Variants in MUTYH observed in about 807,000 individuals in gnomAD.
MUTYH encodes adenine DNA glycosylase.
Under a neutral mutation model 72.9 loss-of-function variants are expected in MUTYH, and 64 were observed. That is an observed-to-expected ratio of 0.88 (90% CI 0.72 to 1.08). The LOEUF is 1.08. Ranked by LOEUF, MUTYH falls within the 50% of genes least tolerant of loss-of-function variation. MUTYH has a pLI of 0.00. For synonymous variants in MUTYH, 234 were observed against 263.1 expected, an observed-to-expected ratio of 0.89 and a Z score of 1.07; for missense variants, 633 against 671.0, an observed-to-expected ratio of 0.94 and a Z score of 0.63.
rs876659420 is a variant in MUTYH, at chr1:45,330,515, C to G, written c.1434+1G>C. The G allele has an allele frequency of 1.2e-6, 2 of 1,608,992 alleles. No individual in the cohort carries two copies. Among genetic ancestry groups the G allele is most frequent in the African/African-American group, 2.7e-5 (2 of 74,814 alleles). On this transcript the variant is annotated splice_donor_variant, in intron 15 of 15. Coordinates refer to ENST00000456914, the MANE Select transcript of MUTYH (RefSeq NM_001048174.2). LOFTEE classifies it high-confidence loss of function. The stretch of plus-strand genomic sequence containing the variant: ...GGTTGGGAGAGGCCTAGGAGACTTA[C>G]CATACAGGTCCCTGGCTGTTGGCCC...
intron 1 of MUTYH, chr1:45,338,579 T>C (rs1646321441): frequency 3.4e-6 from 1 of 291,228 alleles, no homozygotes; most frequent in South Asian, 4.8e-5. Flanking sequence ...AAAAAACGAC[T>C]TGAGTGCAAG....
chr1:45,333,695 G>C (rs1645416090), intron 2 of MUTYH, 134 bp from the exon 3 acceptor site: 1 of 1,321,020 alleles, frequency 7.6e-7, no homozygotes, highest in Admixed American at 2.5e-5. Context: ...TTTGGAGCTG[G>C]AGTCAGACCA....
upstream of MUTYH, chr1:45,340,321 A>C: frequency 6.2e-7 from 1 of 1,609,712 alleles, no homozygotes. Context: ...GGCTTCCCAG[A>C]GGTAGCCTTC....
intron 1 of MUTYH, among the ~76,000 whole-genome samples, chr1:45,336,235 G>C (rs947523210): frequency 6.6e-6 from 1 of 152,146 alleles, no homozygotes; most frequent in Non-Finnish European, 1.5e-5. Flanking sequence ...TGTAATCCCA[G>C]CACTTTGGGA....
At position 45,332,803 on chromosome 1, in the gene MUTYH, T is replaced by C. The variant is rs34612342; in HGVS notation, c.452A>G (p.Tyr151Cys). Residue 151 changes from tyrosine (Y) to cysteine (C), a missense_variant, in exon 7 of 16, where the codon TAC (tyrosine) becomes TGC (cysteine). By Grantham distance (194) the Tyr-to-Cys change is radical (BLOSUM62 -2). Transcript: ENST00000456914. ...EVNQLWAGLGYYSRGRRLQEG... is the reference protein window; with the variant it reads ...EVNQLWAGLGCYSRGRRLQEG... ...CTGCAGCCGCCGGCCACGAGAATAG[T>C]AGCCCAGGCCAGCCCAGAGTTGATT... 3,102 of 1,614,184 alleles carry C rather than the reference T, an allele frequency of 1.9e-3. 5 individuals are homozygous for C. The highest frequency in any genetic ancestry group is 2.3e-3 in the Non-Finnish European group (2,752 of 1,180,030).
rs587782351 is a variant in MUTYH, at chr1:45,332,485, T to A, written c.610A>T (p.Thr204Ser). ...GCTACGTTGCCATCCACCACACCGG[T>A]TGCCTGGCACAGAGGGGCCAAAGAG... is the stretch of plus-strand genomic sequence containing the variant. Reference protein sequence around the residue: ...AIASIAFGQATGVVDGNVARV... With the variant: ...AIASIAFGQASGVVDGNVARV... Residue 204 changes from threonine to serine, a missense_variant, in exon 9 of 16, where the codon ACC becomes TCC. Physicochemically the swap from Thr to Ser is moderately conservative, Grantham distance 58. Coordinates refer to ENST00000456914, the MANE Select transcript of MUTYH (RefSeq NM_001048174.2). 3 of 1,613,888 alleles carry A rather than the reference T, an allele frequency of 1.9e-6. No homozygotes were observed. Among genetic ancestry groups the A allele is most frequent in the South Asian group, 1.1e-5 (1 of 91,084 alleles).
upstream of MUTYH, chr1:45,340,198 C>T (rs1314461676): frequency 6.2e-7 from 1 of 1,613,362 alleles, no homozygotes; most frequent in South Asian, 1.1e-5. Context: ...CGCCAGGAGA[C>T]GGACCGCAAG....
At chr1:45,338,744 G>GTTTTTTTTTT (rs11403361) in intron 1 of MUTYH, 1 of 96,470 alleles carries the variant, frequency 1.0e-5, no homozygotes, top group Non-Finnish European at 2.7e-5. Flanking sequence ...TTTTATTTTT[G>GTTTTTTTTTT]TTTTTTTTTT....
chr1:45,332,134 A>T (rs2149135914), intron 10 of MUTYH, 32 bp downstream of exon 10: 1 of 1,614,082 alleles, frequency 6.2e-7, no homozygotes, highest in Non-Finnish European at 8.5e-7. Flanking sequence ...ACTCCTTAGG[A>T]CTTCTCACTG....
At chr1:45,333,230 C>T (rs1645298327) in intron 4 of MUTYH, 55 bp downstream of exon 4, 2 of 1,613,980 alleles carry the variant, frequency 1.2e-6, no homozygotes, top group South Asian at 1.1e-5. Flanking sequence ...GCCCACAGCC[C>T]CCAGACCCAA....
chr1:45,334,874 T>C (rs529771805), intron 1 of MUTYH, among the ~76,000 whole-genome samples: 12 of 152,046 alleles, frequency 7.9e-5, no homozygotes, highest in Admixed American at 5.2e-4. Context: ...TCTGGGAGAA[T>C]GGGGGTAGGC....
intron 1 of MUTYH, among the ~76,000 whole-genome samples, 160 bp from the exon 2 acceptor site, chr1:45,334,671 G>A (rs1471057496): frequency 1.3e-5 from 2 of 152,208 alleles, no homozygotes; most frequent in South Asian, 2.1e-4. Context: ...TTGGCTGGCT[G>A]CAGCACTGAG....
chr1:45,331,599 C>G (rs531232542), intron 12 of MUTYH, 43 bp from the exon 13 acceptor site: 2 of 1,613,308 alleles, frequency 1.2e-6, no homozygotes, highest in East Asian at 4.5e-5. Flanking sequence ...CCTCAGCTGC[C>G]GATTCCCTCC....
rs1553126007 is a variant in MUTYH at position 45,331,528 on chromosome 1, C to CG, written c.1130dup (p.Ser378ValfsTer126). On this transcript the variant is annotated frameshift_variant, in exon 13 of 16. Coordinates refer to ENST00000456914, the MANE Select transcript of MUTYH (RefSeq NM_001048174.2). LOFTEE classifies it high-confidence loss of function. ...GCTCTGAGGGCTCCCAGGTCACGGA[C>CG]GGGAACTCCCACAGTCCTGCCAGCA... The CG allele has an allele frequency of 6.2e-7, 1 of 1,614,022 alleles. No homozygotes were observed. The highest frequency in any genetic ancestry group is 1.1e-5 in the South Asian group (1 of 91,088).
At chr1:45,339,205 A>ATTTTTTTT (rs60609540) in intron 1 of MUTYH, among the ~76,000 whole-genome samples, 1 of 118,230 alleles carries the variant, frequency 8.5e-6, no homozygotes, top group Non-Finnish European at 1.7e-5. Context: ...TCCAATAGGA[A>ATTTTTTTT]TTTTTTTTTT....
At chr1:45,335,114 G>A (rs1645685127) in intron 1 of MUTYH, among the ~76,000 whole-genome samples, 1 of 152,092 alleles carries the variant, frequency 6.6e-6, no homozygotes, top group African/African-American at 2.4e-5. Flanking sequence ...GTGCCTGGTT[G>A]ATTTTCACTG....
intron 4 of MUTYH, 22 bp from the exon 5 acceptor site, chr1:45,333,192 G>A (rs1361862035): frequency 5.0e-6 from 8 of 1,614,220 alleles, no homozygotes; most frequent in South Asian, 1.1e-5. Context: ...GGGTTGGCAT[G>A]AGGACACTGC....
Position 45,329,335 on chromosome 1 carries a change from C to T in MUTYH, c.1537G>A (p.Ala513Thr), listed in dbSNP as rs2149087688. ...TGGGCTGCACTGTTGAGGCTGTGTG[C>T]ATCAGTGGAGATGTGAGACCGAAAG... ...NFFRSHISTD[A>T]HSLNSAAQ is the part of the protein sequence containing the mutation. Residue 513 changes from alanine (A) to threonine (T), a missense_variant, in exon 16 of 16, where the codon GCA becomes ACA. Transcript: ENST00000456914. The T allele has an allele frequency of 6.2e-7, 1 of 1,614,198 alleles. No individual in the cohort carries two copies. Among genetic ancestry groups the T allele is most frequent in the South Asian group, 1.1e-5 (1 of 91,086 alleles).
At chr1:45,339,205 A>ATTTTT (rs60609540) in intron 1 of MUTYH, among the ~76,000 whole-genome samples, 5 of 118,228 alleles carry the variant, frequency 4.2e-5, no homozygotes, top group Admixed American at 9.5e-5. Flanking sequence ...TCCAATAGGA[A>ATTTTT]TTTTTTTTTT....
Sources: allele counts gnomAD v4.1 joint callset (sites outside exome capture counted in the v4.1 genomes callset), GRCh38; gene constraint gnomAD v4.1.1; transcripts MANE v1.5; gene names NCBI Gene and HGNC (gene_info 2026-07-23, HGNC 2026-07-21).